Variants in PRKN observed in about 807,000 individuals in gnomAD.
PRKN encodes the protein E3 ubiquitin-protein ligase parkin.
In PRKN, 56 loss-of-function variants were observed where a neutral mutation model predicts 59.5. The observed-to-expected ratio is 0.94, with a 90% CI of 0.76 to 1.18. The LOEUF (loss-of-function observed/expected upper bound fraction) is 1.18. Among genes scored for constraint, PRKN ranks in the 50% most tolerant of loss-of-function variants. The pLI is 0.00. For missense variants in PRKN, 657 were observed against 596.4 expected (o/e 1.10, Z -1.06); for synonymous variants, 250 against 222.1 (o/e 1.13, Z -1.12).
intron 1 of PRKN, among the ~76,000 whole-genome samples, chr6:162,669,810 A>G (rs1278733910): frequency 7.2e-5 from 11 of 152,192 alleles, no homozygotes; most frequent in Non-Finnish European, 1.5e-4. Flanking sequence ...TCTCTTACAA[A>G]TTTCCAATCT....
intron 1 of PRKN, among the ~76,000 whole-genome samples, chr6:162,719,139 T>C (rs1778838186): frequency 6.6e-6 from 1 of 152,220 alleles, no homozygotes. Flanking sequence ...ATGTCTAAAT[T>C]GACTGCCCAA....
chr6:161,654,869 G>A (rs1209936566), intron 7 of PRKN, among the ~76,000 whole-genome samples: 2 of 152,328 alleles, frequency 1.3e-5, no homozygotes, highest in Middle Eastern at 3.4e-3. Context: ...GACAAGGGTG[G>A]ATGGCCCACT....
At chr6:162,438,522 T>G (rs1243993237) in intron 2 of PRKN, among the ~76,000 whole-genome samples, 1 of 152,220 alleles carries the variant, frequency 6.6e-6, no homozygotes, top group Admixed American at 6.5e-5. Context: ...AGTATTGATT[T>G]GTTCTTTCTT....
At chr6:162,197,526 AT>A (rs765266241) in intron 4 of PRKN, among the ~76,000 whole-genome samples, 2 of 152,274 alleles carry the variant, frequency 1.3e-5, no homozygotes, top group South Asian at 2.1e-4. Context: ...TAGAACACTG[AT>A]TACTAGATTT....
rs370146988 is a variant in PRKN, at chr6:162,245,212, G to A, written c.412+17313C>T. ...TATGGGCTATTTTACAACTCGGTAG[G>A]AGCAGTGGTTCACTTTTTTCCAGTG... On this transcript the variant is annotated intron_variant, in intron 3 of 11. Transcript: ENST00000366898. Among the ~76,000 whole-genome samples, 48 of 152,192 alleles carry A rather than the reference G, an allele frequency of 3.2e-4. 1 individual carries two copies. Among genetic ancestry groups the A allele is most frequent in the African/African-American group, 1.1e-3 (46 of 41,548 alleles).
chr6:161,656,816 T>C (rs968150578), intron 7 of PRKN, among the ~76,000 whole-genome samples: 3 of 152,204 alleles, frequency 2.0e-5, no homozygotes, highest in Admixed American at 6.5e-5. Context: ...TTTGTTCTCA[T>C]GTTTATTGTA....
At chr6:162,306,180 A>T (rs9364648) in intron 2 of PRKN, among the ~76,000 whole-genome samples, 25,444 of 152,196 alleles carry the variant, frequency 0.17, 2,732 homozygotes, top group East Asian at 0.5. Context: ...TACAAGAAGT[A>T]ACCCTAAATG....
chr6:161,821,221 C>A (rs922103050), intron 6 of PRKN, among the ~76,000 whole-genome samples: 2 of 152,078 alleles, frequency 1.3e-5, no homozygotes, highest in African/African-American at 4.8e-5. Flanking sequence ...CACCAACATA[C>A]CCACTGATAT....
intron 7 of PRKN, among the ~76,000 whole-genome samples, chr6:161,648,877 A>G (rs967963101): frequency 3.3e-5 from 5 of 152,188 alleles, no homozygotes; most frequent in Non-Finnish European, 5.9e-5. Flanking sequence ...GAGTATGCAG[A>G]GCTATCAAGG....
At position 161,396,757 on chromosome 6, in the gene PRKN, A is replaced by C. The variant is rs1445357937; in HGVS notation, c.1084-9880T>G. On this transcript the variant is annotated intron_variant, in intron 9 of 11. Coordinates refer to ENST00000366898, the MANE Select transcript of PRKN (RefSeq NM_004562.3). The surrounding 1 kb of genome is among the most constrained non-coding windows in gnomAD (Gnocchi z 5.4). Reference sequence around the variant, plus strand: ...CAATTTGTCCCATGTGCCTGTGGGTATCCTTATGCTCTCTAGCACAGCAGG... The same window carrying C: ...CAATTTGTCCCATGTGCCTGTGGGTCTCCTTATGCTCTCTAGCACAGCAGG... 6.6e-6 allele frequency among the ~76,000 whole-genome samples: 1 copy of C among 152,200 alleles called. No individual in the cohort carries two copies. The highest frequency in any genetic ancestry group is 1.5e-5 in the Non-Finnish European group (1 of 68,042).
At chr6:162,224,501 C>T (rs1380975830) in intron 3 of PRKN, among the ~76,000 whole-genome samples, 1 of 152,118 alleles carries the variant, frequency 6.6e-6, no homozygotes, top group Non-Finnish European at 1.5e-5. Context: ...AGAATGCATC[C>T]CCCTCAAAAA....
intron 2 of PRKN, among the ~76,000 whole-genome samples, chr6:162,393,243 T>C (rs1342758497): frequency 7.1e-6 from 1 of 140,976 alleles, no homozygotes; most frequent in Non-Finnish European, 1.5e-5. Context: ...CACTGCAACC[T>C]CCACCTCCAG....
At chr6:162,640,986 T>A (rs1452007697) in intron 1 of PRKN, among the ~76,000 whole-genome samples, 1 of 152,198 alleles carries the variant, frequency 6.6e-6, no homozygotes, top group African/African-American at 2.4e-5. Flanking sequence ...ATTTCTTTTT[T>A]GGGATAGAGG....
At chr6:161,705,981 T>G (rs1049869557) in intron 7 of PRKN, among the ~76,000 whole-genome samples, 1 of 152,010 alleles carries the variant, frequency 6.6e-6, no homozygotes, top group African/African-American at 2.4e-5. Flanking sequence ...CTGCTGTCAC[T>G]GGAATGGAAC....
chr6:162,692,958 C>T (rs2128235404), intron 1 of PRKN, among the ~76,000 whole-genome samples: 1 of 152,218 alleles, frequency 6.6e-6, no homozygotes, highest in Admixed American at 6.5e-5. Flanking sequence ...TCTGTTCAGA[C>T]ACCTAATATC....
rs73606951 is a variant in PRKN, at chr6:161,423,285, T to A, written c.1084-36408A>T. 0.016 allele frequency among the ~76,000 whole-genome samples: 2,371 copies of A among 152,316 alleles called. 75 individuals are homozygous for A. Among genetic ancestry groups the A allele is most frequent in the African/African-American group, 0.054 (2,231 of 41,548 alleles). On this transcript the variant is annotated intron_variant, in intron 9 of 11. Coordinates refer to ENST00000366898, the MANE Select transcript of PRKN (RefSeq NM_004562.3). This position sits in a 1 kb window ranked among gnomAD's most constrained non-coding sequence, Gnocchi z 5.9. Reference sequence around the variant, plus strand: ...ACTAGTATCTGAAGGGTTGTCATGCTCTCTCTGCTTTCTAATGTACATAGA... The same window carrying A: ...ACTAGTATCTGAAGGGTTGTCATGCACTCTCTGCTTTCTAATGTACATAGA...
chr6:162,376,843 G>A (rs559702821), intron 2 of PRKN, among the ~76,000 whole-genome samples: 1 of 86,524 alleles, frequency 1.2e-5, no homozygotes, highest in African/African-American at 4.5e-5. Context: ...AGGGAGGGAG[G>A]GGGGAGGGGG....
intron 6 of PRKN, among the ~76,000 whole-genome samples, chr6:161,970,234 G>A (rs1277322116): frequency 6.6e-6 from 1 of 151,766 alleles, no homozygotes; most frequent in Non-Finnish European, 1.5e-5. Flanking sequence ...TAGGGACAGG[G>A]TCTTGCCATG....
At chr6:162,245,944 C>A (rs1779175739) in intron 3 of PRKN, among the ~76,000 whole-genome samples, 1 of 152,124 alleles carries the variant, frequency 6.6e-6, no homozygotes, top group African/African-American at 2.4e-5. Flanking sequence ...CATATGCCCA[C>A]TGGGGAGGAA....
Sources: allele counts gnomAD v4.1 joint callset (sites outside exome capture counted in the v4.1 genomes callset), GRCh38; gene constraint gnomAD v4.1.1; non-coding constraint Gnocchi (gnomAD v3.1); transcripts MANE v1.5; gene names NCBI Gene and HGNC (gene_info 2026-07-23, HGNC 2026-07-21).